The following ANKRD34C variants were observed in gnomAD, a reference collection of about 807,000 sequenced individuals.
ANKRD34C encodes the protein ankyrin repeat domain 34C.
For missense variants in ANKRD34C, 563 were observed against 653.0 expected (o/e 0.86, Z 1.50); for synonymous variants, 260 against 253.6 (o/e 1.03, Z -0.24).
chr15:79,291,315 T>A (rs568398295), intron 1 of ANKRD34C, among the ~76,000 whole-genome samples: 1 of 152,134 alleles, frequency 6.6e-6, no homozygotes, highest in African/African-American at 2.4e-5. Flanking sequence ...TGGCAGGGAA[T>A]GATTCTAGAG....
chr15:79,289,482 G>C (rs985255098), intron 1 of ANKRD34C, among the ~76,000 whole-genome samples: 7 of 152,146 alleles, frequency 4.6e-5, no homozygotes, highest in Non-Finnish European at 1.0e-4. Context: ...GGGAGGAGGA[G>C]GCCGCTGATT....
intron 1 of ANKRD34C, among the ~76,000 whole-genome samples, chr15:79,285,218 A>G (rs1315564330): frequency 6.6e-6 from 1 of 152,208 alleles, no homozygotes; most frequent in Non-Finnish European, 1.5e-5. Flanking sequence ...AAGTACTAGA[A>G]AGTGTATAAC....
intron 1 of ANKRD34C, among the ~76,000 whole-genome samples, chr15:79,290,826 G>A (rs2058657174): frequency 6.6e-6 from 1 of 152,196 alleles, no homozygotes; most frequent in Non-Finnish European, 1.5e-5. Flanking sequence ...CTGTGTCAGA[G>A]TGTGGGCTTT....
At chr15:79,288,314 TGAGCTA>T in intron 1 of ANKRD34C, among the ~76,000 whole-genome samples, 1 of 152,342 alleles carries the variant, frequency 6.6e-6, no homozygotes, top group East Asian at 1.9e-4. Flanking sequence ...GATACGTTAT[TGAGCTA>T]GCCACAGCTT....
rs2058668215 is a variant in ANKRD34C at position 79,294,656 on chromosome 15, A to G, written c.1372A>G (p.Thr458Ala). 1.9e-6 allele frequency: 3 copies of G among 1,551,630 alleles called. No individual in the cohort carries two copies. Among genetic ancestry groups the G allele is most frequent in the Non-Finnish European group, 2.6e-6 (3 of 1,146,980 alleles). ...GTLLLDRISH[T>A]RPGFLPPLNV... is the part of the protein sequence containing the mutation. ...TCTGCTCCTTGATCGCATTTCTCAC[A>G]CTAGGCCTGGCTTCCTGCCGCCTTT... Residue 458 changes from threonine (T) to alanine (A), a missense_variant, in exon 2 of 2, where the codon ACT (threonine) becomes GCT (alanine). Physicochemically the swap from Thr to Ala is moderately conservative, Grantham distance 58. Coordinates refer to ENST00000421388, the MANE Select transcript of ANKRD34C (RefSeq NM_001146341.2).
At chr15:79,287,768 C>T (rs2058649142) in intron 1 of ANKRD34C, among the ~76,000 whole-genome samples, 2 of 152,230 alleles carry the variant, frequency 1.3e-5, no homozygotes, top group Non-Finnish European at 2.9e-5. Flanking sequence ...CCCTGCCTCT[C>T]ATCTCAGCTT....
At chr15:79,292,115 T>C (rs1364201054) in intron 1 of ANKRD34C, among the ~76,000 whole-genome samples, 1 of 152,146 alleles carries the variant, frequency 6.6e-6, no homozygotes, top group African/African-American at 2.4e-5. Context: ...GTGAATCAGA[T>C]GAGGAGGAAA....
In ANKRD34C at chr15:79,295,585, T is replaced by C. The variant is rs2058670364; in HGVS notation, c.*693T>C. On this transcript the variant is annotated 3_prime_UTR_variant, in exon 2 of 2. Coordinates refer to ENST00000421388, the MANE Select transcript of ANKRD34C (RefSeq NM_001146341.2). The stretch of plus-strand genomic sequence containing the variant: ...TAGTAGCTGATGCCTTAGAGATAAA[T>C]CTTGCTCCAGAAATGAAACTTTCCC... The C allele has an allele frequency of 6.0e-6, 1 of 167,108 alleles. No homozygotes were observed. The highest frequency in any genetic ancestry group is 1.5e-5 in the Non-Finnish European group (1 of 68,122). 10.4% of individuals were successfully genotyped at this position (167,108 alleles called of 1,614,324 possible). A position where few individuals can be genotyped will look rare whatever the true frequency, so the allele number is the denominator to read the frequency against.
intron 1 of ANKRD34C, among the ~76,000 whole-genome samples, chr15:79,291,603 G>C (rs7495178): frequency 0.53 from 26,716 of 50,882 alleles, 4,048 homozygotes; most frequent in Non-Finnish European, 0.55. Flanking sequence ...CACACACACA[G>C]AGAGAGAGAG....
rs935007481 is a variant in ANKRD34C at position 79,297,266 on chromosome 15, C to G, written c.*2374C>G. The stretch of plus-strand genomic sequence containing the variant: ...AGCTCATTAAATGCAAATACACACA[C>G]GCAAAGAGAGAGAGAGAACACATTT... On this transcript the variant is annotated 3_prime_UTR_variant, in exon 2 of 2. Transcript: ENST00000421388. 1.8e-5 allele frequency: 3 copies of G among 167,128 alleles called. No individual in the cohort carries two copies. Among genetic ancestry groups the G allele is most frequent in the Admixed American group, 1.3e-4 (2 of 15,258 alleles). 10.4% of individuals were successfully genotyped at this position (167,128 alleles called of 1,614,324 possible).
chr15:79,293,160 G>A, intron 1 of ANKRD34C, 81 bp from the exon 2 acceptor site: 2 of 1,082,838 alleles, frequency 1.8e-6, no homozygotes, highest in Non-Finnish European at 2.6e-6. Flanking sequence ...GGATATGACT[G>A]TACCCAGACC....
At position 79,297,832 on chromosome 15, in the gene ANKRD34C, A is replaced by G. The variant is rs1050943798; in HGVS notation, c.*2940A>G. 2 of 166,350 alleles carry G rather than the reference A, an allele frequency of 1.2e-5. No individual in the cohort carries two copies. The highest frequency in any genetic ancestry group is 2.4e-5 in the African/African-American group (1 of 41,454). 10.3% of individuals were successfully genotyped at this position (166,350 alleles called of 1,614,324 possible). ...CTTGTCTTTTTGAAATCCTGGAGTC[A>G]CTTATAAGTTAGCTGCAAACTGTAG... On this transcript the variant is annotated 3_prime_UTR_variant, in exon 2 of 2. Coordinates refer to ENST00000421388, the MANE Select transcript of ANKRD34C (RefSeq NM_001146341.2).
intron 1 of ANKRD34C, among the ~76,000 whole-genome samples, 135 bp downstream of exon 1, chr15:79,283,363 T>C (rs1291526917): frequency 6.6e-6 from 1 of 152,054 alleles, no homozygotes; most frequent in African/African-American, 2.4e-5. Context: ...TCACAGGAAA[T>C]TGTGGGAGAC....
chr15:79,287,094 C>T (rs958639856), intron 1 of ANKRD34C, among the ~76,000 whole-genome samples: 1 of 152,166 alleles, frequency 6.6e-6, no homozygotes, highest in African/African-American at 2.4e-5. Flanking sequence ...TCCCTCCTGG[C>T]ACTCATGTCT....
Position 79,282,994 on chromosome 15 carries a change from C to T in ANKRD34C, c.-279C>T, listed in dbSNP as rs1299660223. The stretch of plus-strand genomic sequence containing the variant: ...GTGGACCGATTTGAAGGAACTGACG[C>T]AGAGGTTTTATTCACGAACCTTGAA... On this transcript the variant is annotated 5_prime_UTR_variant, in exon 1 of 2. Transcript: ENST00000421388. Among the ~76,000 whole-genome samples the T allele has an allele frequency of 1.3e-5, 2 of 152,252 alleles. No individual in the cohort carries two copies. Among genetic ancestry groups the T allele is most frequent in the Non-Finnish European group, 2.9e-5 (2 of 68,050 alleles).
In ANKRD34C at chr15:79,297,550, C is replaced by A. The variant is rs901947070; in HGVS notation, c.*2658C>A. On this transcript the variant is annotated 3_prime_UTR_variant, in exon 2 of 2. Transcript: ENST00000421388. ...ATGTGTAATATCAGGTACTCTCATG[C>A]CACTCATTGCCTGCATCAGTCAGTC... is the stretch of plus-strand genomic sequence containing the variant. The A allele has an allele frequency of 1.2e-5, 2 of 167,072 alleles. No individual in the cohort carries two copies. The highest frequency in any genetic ancestry group is 4.8e-5 in the African/African-American group (2 of 41,456). The allele number at this position is 167,072 out of a possible 1,614,324, so 10.3% of individuals were successfully genotyped here.
intron 1 of ANKRD34C, among the ~76,000 whole-genome samples, chr15:79,286,694 G>A (rs2058646153): frequency 1.3e-5 from 2 of 151,792 alleles, no homozygotes; most frequent in South Asian, 4.2e-4. Context: ...CATCTCTCAG[G>A]GGCTCCGAGA....
In ANKRD34C at chr15:79,294,359, G is replaced by T; in HGVS notation, c.1075G>T (p.Gly359Cys). ...TGTTGACCAAGAGAAATGTGGTATGGGTCCATCAGGACCCTCTGCTCTCAA... is the reference window on the plus strand; with the variant it reads ...TGTTGACCAAGAGAAATGTGGTATGTGTCCATCAGGACCCTCTGCTCTCAA... ...LPVDQEKCGM[G>C]PSGPSALKEP... Residue 359 changes from glycine (G) to cysteine (C), a missense_variant, in exon 2 of 2, where the codon GGT (glycine) becomes TGT (cysteine). Transcript: ENST00000421388. 1 of 1,551,588 alleles carries T rather than the reference G, an allele frequency of 6.4e-7. No individual in the cohort carries two copies. The highest frequency in any genetic ancestry group is 8.7e-7 in the Non-Finnish European group (1 of 1,146,946).
In ANKRD34C at chr15:79,283,135, G is replaced by A. The variant is rs923921506; in HGVS notation, c.-138G>A. Reference sequence around the variant, plus strand: ...AGCCAACCCGCAGCTGCAGGTAGGGGTGCTGGACGCCCCCTGATTTTGTTT... The same window carrying A: ...AGCCAACCCGCAGCTGCAGGTAGGGATGCTGGACGCCCCCTGATTTTGTTT... On this transcript the variant is annotated 5_prime_UTR_variant, in exon 1 of 2. In the 5' UTR this introduces an upstream ATG that the reference lacks. Coordinates refer to ENST00000421388, the MANE Select transcript of ANKRD34C (RefSeq NM_001146341.2). 2.0e-5 allele frequency among the ~76,000 whole-genome samples: 3 copies of A among 152,240 alleles called. No individual in the cohort carries two copies. The highest frequency in any genetic ancestry group is 7.2e-5 in the African/African-American group (3 of 41,468).
Sources: allele counts gnomAD v4.1 joint callset (sites outside exome capture counted in the v4.1 genomes callset), GRCh38; gene constraint gnomAD v4.1.1; transcripts MANE v1.5; gene names NCBI Gene and HGNC (gene_info 2026-07-23, HGNC 2026-07-21).